PCDHGA3: variants seen among roughly 807,000 people sequenced by gnomAD.
PCDHGA3 encodes protocadherin gamma subfamily A, 3, also known as protocadherin gamma-A3.
A neutral mutation model predicts 58.5 loss-of-function variants in PCDHGA3; 40 were observed. The observed-to-expected ratio is 0.68, with a 90% CI of 0.53 to 0.89. The LOEUF (loss-of-function observed/expected upper bound fraction) is 0.89, where lower values mean the gene tolerates loss of function less well. PCDHGA3 is among the 40% of genes least tolerant of loss of function. PCDHGA3 has a pLI of 0.00. For missense variants in PCDHGA3, 1,223 were observed against 1,195.9 expected, an observed-to-expected ratio of 1.02 and a Z score of -0.33; for synonymous variants, 530 against 525.7, an observed-to-expected ratio of 1.01 and a Z score of -0.11.
At position 141,344,677 on chromosome 5, in the gene PCDHGA3, C is replaced by T. The variant is rs774704324; in HGVS notation, c.644C>T (p.Ser215Phe). Residue 215 changes from serine (S) to phenylalanine (F), a missense_variant, in exon 1 of 4, where the codon TCT becomes TTT. Physicochemically the swap from Ser to Phe is radical, Grantham distance 155. Coordinates refer to ENST00000253812, the MANE Select transcript of PCDHGA3 (RefSeq NM_018916.4). ...ATTCACCAGCTTGTCCTGGTTGCCT[C>T]TGATGGTGGCGACCCTGTCCACTCT... ...KEIHQLVLVA[S>F]DGGDPVHSGN... 11 of 1,614,008 alleles carry T rather than the reference C, an allele frequency of 6.8e-6. No individual in the cohort carries two copies. The Admixed American group carries it at 1.8e-4, about 27-fold the overall frequency.
Position 141,487,298 on chromosome 5 carries a change from G to T in PCDHGA3, c.2425-7509G>T. 6.2e-7 allele frequency: 1 copy of T among 1,614,072 alleles called. No individual in the cohort carries two copies. Among genetic ancestry groups the T allele is most frequent in the Non-Finnish European group, 8.5e-7 (1 of 1,180,018 alleles). ...TTGCTTTGTCTCCTTTGGCTCATTC[G>T]TGGCACTACTCTCTAAGTGTCTTCG... On this transcript the variant is annotated intron_variant, in intron 1 of 3. Coordinates refer to ENST00000253812, the MANE Select transcript of PCDHGA3 (RefSeq NM_018916.4). This position sits in a 1 kb window ranked among gnomAD's most constrained non-coding sequence, Gnocchi z 5.0.
At position 141,431,636 on chromosome 5, in the gene PCDHGA3, A is replaced by C; in HGVS notation, c.2425-63171A>C. 1 of 1,614,254 alleles carries C rather than the reference A, an allele frequency of 6.2e-7. No individual in the cohort carries two copies. On this transcript the variant is annotated intron_variant, in intron 1 of 3. Transcript: ENST00000253812. This position sits in a 1 kb window ranked among gnomAD's most constrained non-coding sequence, Gnocchi z 4.8. ...GGACGACAAGGCGGCCCAAGTTTTC[A>C]AACTAGATTGTAATTCAGGGACAAT... is the stretch of plus-strand genomic sequence containing the variant.
At position 141,471,885 on chromosome 5, in the gene PCDHGA3, A is replaced by G. The variant is rs180968509; in HGVS notation, c.2425-22922A>G. ...ACTGTGGTTGCCTGAGGCTGAAGCT[A>G]GGAAGATTGACTACAGACAAGCATG... On this transcript the variant is annotated intron_variant, in intron 1 of 3. Transcript: ENST00000253812. Among the ~76,000 whole-genome samples the G allele has an allele frequency of 1.9e-3, 294 of 152,338 alleles. 1 individual carries two copies. Among genetic ancestry groups the G allele is most frequent in the Middle Eastern group, 0.017 (5 of 294 alleles).
Position 141,432,492 on chromosome 5 carries a change from C to A in PCDHGA3, c.2425-62315C>A. On this transcript the variant is annotated intron_variant, in intron 1 of 3. Transcript: ENST00000253812. The surrounding 1 kb of genome is among the most constrained non-coding windows in gnomAD (Gnocchi z 6.0). ...GACGGTTCCACTGGCGTGGAGCTGG[C>A]TCCCCGCTCCGCAGAGCCCGGCTAC... 6.2e-7 allele frequency: 1 copy of A among 1,614,168 alleles called. No individual in the cohort carries two copies. Among genetic ancestry groups the A allele is most frequent in the Admixed American group, 1.7e-5 (1 of 60,034 alleles).
intron 1 of PCDHGA3, chr5:141,471,227 T>C (rs2099253010): frequency 6.6e-6 from 1 of 151,604 alleles, no homozygotes; most frequent in Admixed American, 6.6e-5. Flanking sequence ...TTTTTTGTAT[T>C]TTTAGTAGAG....
chr5:141,379,251 C>T (rs569528172), intron 1 of PCDHGA3: 1 of 152,224 alleles, frequency 6.6e-6, no homozygotes, highest in African/African-American at 2.4e-5. Flanking sequence ...GTGGTATTTA[C>T]ATTTAAGGAA....
At position 141,431,851 on chromosome 5, in the gene PCDHGA3, A is replaced by G. The variant is rs2097423722; in HGVS notation, c.2425-62956A>G. 1 of 1,614,264 alleles carries G rather than the reference A, an allele frequency of 6.2e-7. No individual in the cohort carries two copies. The highest frequency in any genetic ancestry group is 1.1e-5 in the South Asian group (1 of 91,088). ...TTCCCGAAAACTCTCCCAGAGGGAC[A>G]TTAATTGCCCTTTTAAATGTAAATG... On this transcript the variant is annotated intron_variant, in intron 1 of 3. Coordinates refer to ENST00000253812, the MANE Select transcript of PCDHGA3 (RefSeq NM_018916.4). This position sits in a 1 kb window ranked among gnomAD's most constrained non-coding sequence, Gnocchi z 4.8.
chr5:141,454,990 T>C (rs548911982), intron 1 of PCDHGA3, among the ~76,000 whole-genome samples: 1 of 151,490 alleles, frequency 6.6e-6, no homozygotes, highest in African/African-American at 2.4e-5. Context: ...TAAAAAATAT[T>C]TTTAGTAGAG....
chr5:141,493,204 C>T lies in PCDHGA3; in HGVS notation c.2425-1603C>T, dbSNP rs2099746929. Among the ~76,000 whole-genome samples, 1 of 152,216 alleles carries T rather than the reference C, an allele frequency of 6.6e-6. No individual in the cohort carries two copies. Among genetic ancestry groups the T allele is most frequent in the Non-Finnish European group, 1.5e-5 (1 of 68,042 alleles). Reference sequence around the variant, plus strand: ...TATATAACTCCTTTGAGAACCTCATCTCATTTGCTCTTCCCACCATTGCTG... The same window carrying T: ...TATATAACTCCTTTGAGAACCTCATTTCATTTGCTCTTCCCACCATTGCTG... On this transcript the variant is annotated intron_variant, in intron 1 of 3. Transcript: ENST00000253812. This position sits in a 1 kb window ranked among gnomAD's most constrained non-coding sequence, Gnocchi z 4.3.
intron 1 of PCDHGA3, among the ~76,000 whole-genome samples, chr5:141,437,976 T>G (rs1182220385): frequency 1.3e-5 from 2 of 152,096 alleles, no homozygotes; most frequent in Non-Finnish European, 2.9e-5. Flanking sequence ...GATCTTGGGA[T>G]GCACCCACCC....
At chr5:141,398,747 AC>A in intron 1 of PCDHGA3, 1 of 1,613,496 alleles carries the variant, frequency 6.2e-7, no homozygotes, top group Middle Eastern at 1.6e-4. Context: ...CAACAGAGTT[AC>A]CATCGTTTAG....
intron 1 of PCDHGA3, chr5:141,355,794 C>T: frequency 6.2e-7 from 1 of 1,613,452 alleles, no homozygotes; most frequent in Non-Finnish European, 8.5e-7. Context: ...TGCTGGAACG[C>T]GCTCTAGATC....
chr5:141,511,118 C>T lies in PCDHGA3; in HGVS notation c.2744C>T (p.Ala915Val), dbSNP rs1352222210. 1.2e-6 allele frequency: 2 copies of T among 1,614,094 alleles called. No individual in the cohort carries two copies. The highest frequency in any genetic ancestry group is 1.7e-6 in the Non-Finnish European group (2 of 1,180,022). The change falls in exon 4 of 4, where the codon GCC (alanine) becomes GTC (valine). Residue 915 changes from alanine to valine, a missense_variant. Coordinates refer to ENST00000253812, the MANE Select transcript of PCDHGA3 (RefSeq NM_018916.4). ...GCAGCTGGCAAGCGGGATGGCAAGG[C>T]CCCAGCAGGTGGCAATGGCAACAAG... is the stretch of plus-strand genomic sequence containing the variant. ...TNAAGKRDGK[A>V]PAGGNGNKKK... is the part of the protein sequence containing the mutation.
chr5:141,464,180 G>T (rs1251683320), intron 1 of PCDHGA3, among the ~76,000 whole-genome samples: 1 of 151,340 alleles, frequency 6.6e-6, no homozygotes, highest in Non-Finnish European at 1.5e-5. Flanking sequence ...CAGGAGAATT[G>T]CTTGATTTCA....
Position 141,491,019 on chromosome 5 carries a change from A to G in PCDHGA3, c.2425-3788A>G. 5 of 1,614,116 alleles carry G rather than the reference A, an allele frequency of 3.1e-6. No individual in the cohort carries two copies. The highest frequency in any genetic ancestry group is 4.2e-6 in the Non-Finnish European group (5 of 1,180,026). ...CTGGCTCCTTGGTCACCAAGGTGAC[A>G]GCCGTGGATGCTGATGCAGGCCACA... On this transcript the variant is annotated intron_variant, in intron 1 of 3. Coordinates refer to ENST00000253812, the MANE Select transcript of PCDHGA3 (RefSeq NM_018916.4). This position sits in a 1 kb window ranked among gnomAD's most constrained non-coding sequence, Gnocchi z 6.9.
chr5:141,350,552 G>C, intron 1 of PCDHGA3: 1 of 1,614,066 alleles, frequency 6.2e-7, no homozygotes, highest in Non-Finnish European at 8.5e-7. Context: ...AAGGAAACTT[G>C]AGTGTGCACT....
rs1327490895 is a variant in PCDHGA3, at chr5:141,487,672, G to A, written c.2425-7135G>A. The stretch of plus-strand genomic sequence containing the variant: ...AGGGTTATTCTGATCCAGGCATATG[G>A]CTAGGCCATGTCCTAGAGAGTACTG... On this transcript the variant is annotated intron_variant, in intron 1 of 3. Coordinates refer to ENST00000253812, the MANE Select transcript of PCDHGA3 (RefSeq NM_018916.4). This position sits in a 1 kb window ranked among gnomAD's most constrained non-coding sequence, Gnocchi z 5.0. 6.2e-7 allele frequency: 1 copy of A among 1,611,484 alleles called. No individual in the cohort carries two copies. Among genetic ancestry groups the A allele is most frequent in the Non-Finnish European group, 8.5e-7 (1 of 1,178,612 alleles).
intron 1 of PCDHGA3, chr5:141,423,477 C>T (rs376147466): frequency 1.5e-5 from 24 of 1,613,872 alleles, no homozygotes; most frequent in Non-Finnish European, 1.9e-5. Flanking sequence ...TACAGGCTTT[C>T]CTGCAAACCT....
At chr5:141,427,249 G>A (rs1417336994) in intron 1 of PCDHGA3, 1 of 456,742 alleles carries the variant, frequency 2.2e-6, no homozygotes, top group African/African-American at 2.0e-5. Context: ...GCTAAGGATG[G>A]TGGAGGCATG....
Sources: gnomAD v4.1 joint callset for allele counts (sites outside exome capture counted in the v4.1 genomes callset) on GRCh38, gnomAD v4.1.1 for gene constraint, Gnocchi (gnomAD v3.1) non-coding constraint, MANE v1.5 for transcripts, NCBI Gene and HGNC (gene_info 2026-07-23, HGNC 2026-07-21) for gene names.